Variants in METTL21C observed in about 807,000 individuals in gnomAD.
METTL21C encodes methyltransferase 21C, AARS1 lysine.
Under a neutral mutation model 25.9 loss-of-function variants are expected in METTL21C, and 21 were observed. The observed-to-expected ratio is 0.81, with a 90% CI of 0.58 to 1.17. The LOEUF (loss-of-function observed/expected upper bound fraction) is 1.17, where lower values mean the gene tolerates loss of function less well. Ranked by LOEUF, METTL21C falls within the 50% of genes most tolerant of loss-of-function variation. The pLI, the probability that METTL21C is intolerant of heterozygous loss-of-function variation, is 0.00. For missense variants in METTL21C, 312 were observed against 315.1 expected (o/e 0.99, Z 0.07); for synonymous variants, 125 against 124.7 (o/e 1.00, Z -0.01).
intron 3 of METTL21C, 44 bp from the exon 4 acceptor site, chr13:102,686,469 C>A: frequency 1.9e-6 from 3 of 1,568,858 alleles, no homozygotes; most frequent in South Asian, 2.4e-5. Context: ...TCTGGGCAGT[C>A]ACAGTGTACA....
At chr13:102,702,863 T>G in the METTL21C span, among the ~76,000 whole-genome samples, 7,344 of 152,238 alleles carry the variant, frequency 0.048, 414 homozygotes, top group East Asian at 0.29. Context: ...AGTGCTAGGA[T>G]TACAGCCGTG....
rs999653969 is a variant in METTL21C, at chr13:102,694,915, C to T, written c.-417G>A. Among the ~76,000 whole-genome samples, 1 of 151,860 alleles carries T rather than the reference C, an allele frequency of 6.6e-6. No homozygotes were observed. Among genetic ancestry groups the T allele is most frequent in the Non-Finnish European group, 1.5e-5 (1 of 67,970 alleles). ...TCTCTCTCTCTCACACACACACACA[C>T]ACACACACACACACGCACAGTCCTA... On this transcript the variant is annotated 5_prime_UTR_variant, in exon 1 of 4. It adds an upstream start codon to the 5' untranslated region. Transcript: ENST00000267273.
At chr13:102,700,887 C>G in the METTL21C span, among the ~76,000 whole-genome samples, 8 of 151,962 alleles carry the variant, frequency 5.3e-5, no homozygotes, top group Non-Finnish European at 1.2e-4. Context: ...CAGATGCCTC[C>G]AACGCTGTCC....
intron 2 of METTL21C, among the ~76,000 whole-genome samples, chr13:102,688,322 A>G (rs757023186): frequency 2.0e-5 from 3 of 152,206 alleles, no homozygotes; most frequent in Non-Finnish European, 4.4e-5. Flanking sequence ...GGCAAAGATG[A>G]ATATGACGCA....
intron 2 of METTL21C, among the ~76,000 whole-genome samples, chr13:102,690,296 C>T (rs1885794382): frequency 6.6e-6 from 1 of 152,014 alleles, no homozygotes; most frequent in East Asian, 1.9e-4. Flanking sequence ...TGGCGCGCAC[C>T]TGTAGTCCCA....
upstream of METTL21C, among the ~76,000 whole-genome samples, chr13:102,697,606 C>T (rs983406883): frequency 2.6e-5 from 4 of 152,098 alleles, no homozygotes; most frequent in East Asian, 3.9e-4. Context: ...CTCGTCTATA[C>T]GGTGGAGGTG....
rs1358056959 is a variant in METTL21C, at chr13:102,686,112, C to T, written c.714G>A (p.Lys238=). 1.2e-6 allele frequency: 2 copies of T among 1,613,856 alleles called. No homozygotes were observed. The highest frequency in any genetic ancestry group is 2.7e-5 in the African/African-American group (2 of 74,928). The change falls in exon 4 of 4, where the codon AAG becomes AAA. Residue 238 remains lysine (K), a synonymous_variant. Coordinates refer to ENST00000267273, the MANE Select transcript of METTL21C (RefSeq NM_001010977.3). ...CCAACAGTGTTGTGTCAAAAACTTG[C>T]TTGAATTTATCTAAAAATTCATAGT... ...STDYEFLDKF[K]QVFDTTLLAE...
At chr13:102,693,183 A>G (rs1885872859) in intron 1 of METTL21C, among the ~76,000 whole-genome samples, 1 of 152,196 alleles carries the variant, frequency 6.6e-6, no homozygotes, top group Admixed American at 6.5e-5. Flanking sequence ...CCTCGAGAGC[A>G]TAGATATTAG....
Position 102,685,824 on chromosome 13 carries a change from T to C in METTL21C, c.*207A>G, listed in dbSNP as rs1885650435. 1 of 506,728 alleles carries C rather than the reference T, an allele frequency of 2.0e-6. No homozygotes were observed. 31.4% of individuals were successfully genotyped at this position (506,728 alleles called of 1,614,324 possible). A position where few individuals can be genotyped will look rare whatever the true frequency, so the allele number is the denominator to read the frequency against. The stretch of plus-strand genomic sequence containing the variant: ...AAGCTACTTTCATGTTTTTATGTTG[T>C]TCTTTTTAGATATTTAGATTAACCA... On this transcript the variant is annotated 3_prime_UTR_variant, in exon 4 of 4. Transcript: ENST00000267273.
chr13:102,687,221 G>C (rs1885699678), intron 2 of METTL21C, among the ~76,000 whole-genome samples, 164 bp from the exon 3 acceptor site: 1 of 152,152 alleles, frequency 6.6e-6, no homozygotes, highest in Non-Finnish European at 1.5e-5. Context: ...TTAGACCTCT[G>C]AAATAAAGAA....
At chr13:102,697,132 G>A (rs950008545), upstream of METTL21C, among the ~76,000 whole-genome samples, 1 of 152,148 alleles carries the variant, frequency 6.6e-6, no homozygotes, top group Non-Finnish European at 1.5e-5. Flanking sequence ...ATAATGGAAA[G>A]TGGGCCAGAT....
In METTL21C at chr13:102,694,472, C is replaced by G; in HGVS notation, c.27G>C (p.Gln9His). MDVCLSSA[Q>H]QPGRRGEGLS... ...GTCCTTCCCCCCGGCGCCCAGGCTGCTGCGCGGAGCTCAGACACACGTCCA... is the reference window on the plus strand; with the variant it reads ...GTCCTTCCCCCCGGCGCCCAGGCTGGTGCGCGGAGCTCAGACACACGTCCA... Residue 9 changes from glutamine to histidine, a missense_variant, in exon 1 of 4, where the codon CAG becomes CAC. Coordinates refer to ENST00000267273, the MANE Select transcript of METTL21C (RefSeq NM_001010977.3). 1 of 1,453,374 alleles carries G rather than the reference C, an allele frequency of 6.9e-7. No individual in the cohort carries two copies. 90.0% of individuals were successfully genotyped at this position (1,453,374 alleles called of 1,614,324 possible).
At chr13:102,692,321 T>G (rs1432894996) in intron 1 of METTL21C, among the ~76,000 whole-genome samples, 1 of 152,146 alleles carries the variant, frequency 6.6e-6, no homozygotes, top group Non-Finnish European at 1.5e-5. Context: ...GTTTCAGGTC[T>G]CACTCATTCC....
upstream of METTL21C, among the ~76,000 whole-genome samples, chr13:102,697,734 GA>G (rs3832919): frequency 0.3 from 45,162 of 151,982 alleles, 7,887 homozygotes; most frequent in East Asian, 0.46. Context: ...CCAAGGCAGG[GA>G]TTTGAGTGAA....
At chr13:102,692,382 C>T (rs180806084) in intron 1 of METTL21C, among the ~76,000 whole-genome samples, 1 of 152,292 alleles carries the variant, frequency 6.6e-6, no homozygotes, top group East Asian at 1.9e-4. Context: ...CTGATAACAG[C>T]TCCACAGTAA....
At chr13:102,688,752 G>A (rs1187179597) in intron 2 of METTL21C, among the ~76,000 whole-genome samples, 1 of 152,222 alleles carries the variant, frequency 6.6e-6, no homozygotes, top group Non-Finnish European at 1.5e-5. Flanking sequence ...ACTTCCTGGA[G>A]ATGGCTGCAG....
intron 2 of METTL21C, among the ~76,000 whole-genome samples, chr13:102,689,674 CA>C (rs1265994487): frequency 1.3e-5 from 2 of 152,212 alleles, no homozygotes; most frequent in African/African-American, 4.8e-5. Flanking sequence ...GTGGGAAAAG[CA>C]ACCACACTGG....
rs577470887 is a variant in METTL21C, at chr13:102,694,896, T to A, written c.-398A>T. On this transcript the variant is annotated 5_prime_UTR_variant, in exon 1 of 4. Coordinates refer to ENST00000267273, the MANE Select transcript of METTL21C (RefSeq NM_001010977.3). ...CTTTCTCTCTCTCTCTCTCTCTCTC[T>A]CTCTCACACACACACACACACACAC... 0.063 allele frequency among the ~76,000 whole-genome samples: 8,855 copies of A among 141,530 alleles called. 755 individuals are homozygous for A. The highest frequency in any genetic ancestry group is 0.2 in the African/African-American group (7,356 of 36,788). The allele number at this position is 141,530 out of a possible 152,430, so 92.8% of individuals were successfully genotyped here. A position where few individuals can be genotyped will look rare whatever the true frequency, so the allele number is the denominator to read the frequency against.
In METTL21C at chr13:102,690,891, C is replaced by G; in HGVS notation, c.204G>C (p.Gln68His). ...CCTTTCCTGCAAACCGATAATGCTCCTGAGTGTAGCTGGCGTAATCTGTAG... is the reference window on the plus strand; with the variant it reads ...CCTTTCCTGCAAACCGATAATGCTCGTGAGTGTAGCTGGCGTAATCTGTAG... ...FVPTDYASYTQEHYRFAGKEI... is the reference protein window; with the variant it reads ...FVPTDYASYTHEHYRFAGKEI... Residue 68 changes from glutamine to histidine, a missense_variant, in exon 2 of 4, where the codon CAG becomes CAC. Physicochemically the swap from Gln to His is conservative, Grantham distance 24. Transcript: ENST00000267273. The G allele has an allele frequency of 6.2e-7, 1 of 1,614,106 alleles. No individual in the cohort carries two copies. The highest frequency in any genetic ancestry group is 8.5e-7 in the Non-Finnish European group (1 of 1,180,016).
Sources: gnomAD v4.1 joint callset for allele counts (sites outside exome capture counted in the v4.1 genomes callset) on GRCh38, gnomAD v4.1.1 for gene constraint, MANE v1.5 for transcripts, NCBI Gene and HGNC (gene_info 2026-07-23, HGNC 2026-07-21) for gene names.